The following ADAMTSL1 variants were observed in gnomAD, a reference collection of about 807,000 sequenced individuals.
ADAMTSL1 encodes the protein ADAMTS like 1.
A neutral mutation model predicts 201.8 loss-of-function variants in ADAMTSL1; 126 were observed. The observed-to-expected ratio is 0.62, with a 90% CI of 0.54 to 0.72. The LOEUF (loss-of-function observed/expected upper bound fraction) is 0.72. Ranked by LOEUF, ADAMTSL1 falls within the 30% of genes least tolerant of loss-of-function variation. The pLI is 0.00. For missense variants in ADAMTSL1, 2,679 were observed against 2,277.8 expected (o/e 1.18, Z -3.59); for synonymous variants, 1,121 against 903.4 (o/e 1.24, Z -4.32).
At chr9:18,594,780 C>T (rs1824157255) in intron 4 of ADAMTSL1, among the ~76,000 whole-genome samples, 1 of 152,146 alleles carries the variant, frequency 6.6e-6, no homozygotes, top group East Asian at 1.9e-4. Context: ...TCTGAGAGGT[C>T]ACACCTCTCC....
At chr9:18,694,686 TG>T (rs1305266933) in intron 13 of ADAMTSL1, among the ~76,000 whole-genome samples, 2 of 152,144 alleles carry the variant, frequency 1.3e-5, no homozygotes, top group Non-Finnish European at 2.9e-5. Context: ...GTTGAGTGCC[TG>T]CAGCTTTTCT....
intron 13 of ADAMTSL1, among the ~76,000 whole-genome samples, chr9:18,689,045 T>C (rs1353444109): frequency 6.6e-6 from 1 of 152,132 alleles, no homozygotes; most frequent in East Asian, 1.9e-4. Flanking sequence ...CCCATCTGGT[T>C]GCTTTCATGG....
intron 1 of ADAMTSL1, among the ~76,000 whole-genome samples, chr9:17,953,368 C>A (rs183577496): frequency 4.3e-4 from 65 of 152,264 alleles, no homozygotes; most frequent in African/African-American, 1.5e-3. Context: ...AACAACTGAG[C>A]TTGTCCCTAT....
At chr9:18,192,488 G>C (rs1376590373) in intron 2 of ADAMTSL1, among the ~76,000 whole-genome samples, 2 of 152,130 alleles carry the variant, frequency 1.3e-5, no homozygotes, top group East Asian at 3.9e-4. Flanking sequence ...CTAATGTTGA[G>C]TGGAGTATTA....
chr9:18,806,107 G>C (rs1823100390), intron 20 of ADAMTSL1, among the ~76,000 whole-genome samples: 1 of 152,204 alleles, frequency 6.6e-6, no homozygotes, highest in Non-Finnish European at 1.5e-5. Flanking sequence ...GGAATGGAAG[G>C]AAGACCCATT....
chr9:18,634,913 T>TATAAATATGTATGTAAATATATATTTAAC (rs1564105521), intron 5 of ADAMTSL1, among the ~76,000 whole-genome samples: 11 of 143,496 alleles, frequency 7.7e-5, no homozygotes, highest in Non-Finnish European at 1.6e-4. Flanking sequence ...ATATTTAATA[T>TATAAATATGTATGTAAATATATATTTAAC]ATATATATTA....
chr9:18,534,554 C>G (rs1379616924), intron 3 of ADAMTSL1, among the ~76,000 whole-genome samples: 3 of 152,202 alleles, frequency 2.0e-5, no homozygotes, highest in Non-Finnish European at 2.9e-5. Context: ...TTGCCGATCC[C>G]TCTGTTGAAG....
At chr9:18,838,401 A>G (rs959028784) in intron 23 of ADAMTSL1, among the ~76,000 whole-genome samples, 11 of 135,634 alleles carry the variant, frequency 8.1e-5, no homozygotes, top group African/African-American at 3.0e-4. Context: ...ACACACACAC[A>G]CGCAAAAACC....
chr9:18,756,378 A>C (rs1181300793), intron 16 of ADAMTSL1, among the ~76,000 whole-genome samples: 2 of 151,754 alleles, frequency 1.3e-5, no homozygotes, highest in East Asian at 3.8e-4. Flanking sequence ...ATTTACTGGA[A>C]TCCAACTTCT....
chr9:18,707,474 A>AAT (rs927364080), intron 14 of ADAMTSL1, among the ~76,000 whole-genome samples: 57 of 152,368 alleles, frequency 3.7e-4, no homozygotes, highest in African/African-American at 1.3e-3. Flanking sequence ...TTCCCAAAGT[A>AAT]ATATCTGTTT....
chr9:18,524,641 T>C lies in ADAMTSL1; in HGVS notation c.192-8606T>C, dbSNP rs529386564. On this transcript the variant is annotated intron_variant, in intron 2 of 28. Transcript: ENST00000380548. ...TTGATACCTAGTTTATTGAGAGTTC[T>C]TAGCATGAAGGGGTGTTGAATTTTA... 4.6e-5 allele frequency among the ~76,000 whole-genome samples: 7 copies of C among 152,334 alleles called. 1 individual carries two copies. The South Asian group carries it at 1.4e-3, about 32-fold the overall frequency.
At chr9:18,417,922 AT>A (rs747279146) in intron 2 of ADAMTSL1, among the ~76,000 whole-genome samples, 2 of 152,220 alleles carry the variant, frequency 1.3e-5, no homozygotes, top group Admixed American at 6.5e-5. Flanking sequence ...ATAATAAAAA[AT>A]AACACTATAG....
intron 1 of ADAMTSL1, among the ~76,000 whole-genome samples, chr9:17,909,318 T>G (rs1410881506): frequency 6.8e-6 from 1 of 146,758 alleles, no homozygotes; most frequent in African/African-American, 2.5e-5. Context: ...AGAAGCTCTT[T>G]AGTTTAATGA....
intron 5 of ADAMTSL1, 141 bp from the exon 6 acceptor site, chr9:18,635,802 C>A (rs1236323709): frequency 4.8e-6 from 3 of 626,412 alleles, no homozygotes; most frequent in Non-Finnish European, 8.1e-6. Flanking sequence ...ATGTTGATTT[C>A]TAAATATTGG....
Position 18,375,392 on chromosome 9 carries a change from G to A in ADAMTSL1, c.208-129437G>A, listed in dbSNP as rs111571517. Reference sequence around the variant, plus strand: ...AAGTTCTAGGGTACATGTGCACAACGTTCAGGTTTTTGGGCTTTACCTGCC... The same window carrying A: ...AAGTTCTAGGGTACATGTGCACAACATTCAGGTTTTTGGGCTTTACCTGCC... On this transcript the variant is annotated intron_variant, in intron 2 of 29. Coordinates refer to the ADAMTSL1 transcript ENST00000680146. Among the ~76,000 whole-genome samples, 14 of 152,108 alleles carry A rather than the reference G, an allele frequency of 9.2e-5. 1 individual carries two copies. The highest frequency in any genetic ancestry group is 2.4e-4 in the African/African-American group (10 of 41,494).
chr9:18,732,118 G>T (rs558032029), intron 15 of ADAMTSL1, among the ~76,000 whole-genome samples: 1 of 152,288 alleles, frequency 6.6e-6, no homozygotes, highest in South Asian at 2.1e-4. Context: ...ACCTCATAGA[G>T]CAGGCACTGA....
At chr9:18,235,863 G>C (rs1296573725) in intron 2 of ADAMTSL1, among the ~76,000 whole-genome samples, 1 of 152,094 alleles carries the variant, frequency 6.6e-6, no homozygotes, top group Admixed American at 6.6e-5. Context: ...CACTGTATTT[G>C]GGGGGAATTC....
At chr9:18,613,535 A>G (rs35418018) in intron 4 of ADAMTSL1, among the ~76,000 whole-genome samples, 9,441 of 152,328 alleles carry the variant, frequency 0.062, 388 homozygotes, top group Non-Finnish European at 0.093. Context: ...TGCAGCCACA[A>G]AAAAGAATGA....
intron 1 of ADAMTSL1, among the ~76,000 whole-genome samples, chr9:18,094,884 T>C (rs1824177509): frequency 1.3e-5 from 2 of 152,074 alleles, no homozygotes; most frequent in South Asian, 2.1e-4. Flanking sequence ...TTCTTAAAGA[T>C]GACTCTGCCT....
Sources: gnomAD v4.1 joint callset for allele counts (sites outside exome capture counted in the v4.1 genomes callset) on GRCh38, gnomAD v4.1.1 for gene constraint, MANE v1.5 for transcripts, NCBI Gene and HGNC (gene_info 2026-07-23, HGNC 2026-07-21) for gene names.